Variants in CLTRN observed in about 807,000 individuals in gnomAD.
CLTRN encodes the protein collectrin.
A neutral mutation model predicts 14.5 loss-of-function variants in CLTRN; 12 were observed. That is an observed-to-expected ratio of 0.83 (90% confidence interval 0.53 to 1.34). The LOEUF (loss-of-function observed/expected upper bound fraction) is 1.34, where lower values mean the gene tolerates loss of function less well. Ranked by LOEUF, CLTRN falls within the 40% of genes most tolerant of loss-of-function variation. The pLI, the probability that CLTRN is intolerant of heterozygous loss-of-function variation, is 0.00. For synonymous variants in CLTRN, 58 were observed against 56.5 expected, an observed-to-expected ratio of 1.03 and a Z score of -0.12; for missense variants, 154 against 165.1, an observed-to-expected ratio of 0.93 and a Z score of 0.37.
At chrX:15,655,611 A>T (rs1393048830) in intron 3 of CLTRN, among the ~76,000 whole-genome samples, 1 of 111,363 alleles carries the variant, frequency 9.0e-6, no homozygotes, top group African/African-American at 3.3e-5. Flanking sequence ...CTGCTCAAAA[A>T]ACTGCTCTCT....
intron 3 of CLTRN, among the ~76,000 whole-genome samples, chrX:15,652,638 G>C (rs745812655): frequency 9.0e-6 from 1 of 111,554 alleles, no homozygotes; most frequent in Non-Finnish European, 1.9e-5. Flanking sequence ...TTTCTTCAAG[G>C]TTTGTTTTTT....
chrX:15,644,195 T>C (rs1929005258), intron 4 of CLTRN, among the ~76,000 whole-genome samples: 1 of 112,137 alleles, frequency 8.9e-6, no homozygotes. Flanking sequence ...TTTTCCTGAT[T>C]GTCCTGCTGA....
chrX:15,655,271 T>A (rs1288487623), intron 3 of CLTRN, among the ~76,000 whole-genome samples: 4 of 112,331 alleles, frequency 3.6e-5, no homozygotes, highest in Middle Eastern at 4.6e-3. Context: ...CAAATTATTC[T>A]TCCTGGACCT....
intron 1 of CLTRN, among the ~76,000 whole-genome samples, chrX:15,671,844 G>GCGCACACA (rs1238166963): frequency 1.1e-5 from 1 of 90,030 alleles, no homozygotes; most frequent in African/African-American, 4.0e-5. Context: ...TTTTATGCGC[G>GCGCACACA]CACACACACA....
At chrX:15,640,555 G>T (rs1024677235) in intron 4 of CLTRN, among the ~76,000 whole-genome samples, 1 of 112,777 alleles carries the variant, frequency 8.9e-6, no homozygotes, top group African/African-American at 3.2e-5. Context: ...TGTGTGAGTA[G>T]CATCTAGATT....
intron 3 of CLTRN, among the ~76,000 whole-genome samples, chrX:15,651,750 G>C (rs1241862732): frequency 9.0e-6 from 1 of 111,481 alleles, no homozygotes; most frequent in African/African-American, 3.3e-5. Context: ...GATTCAGCAA[G>C]TGATTGGGGG....
At chrX:15,660,711 G>A (rs1355478812) in intron 2 of CLTRN, among the ~76,000 whole-genome samples, 1 of 109,255 alleles carries the variant, frequency 9.2e-6, no homozygotes, top group African/African-American at 3.3e-5. Flanking sequence ...GGAGGCTAAG[G>A]CAGGAAGATT....
At chrX:15,655,372 A>G (rs1929326778) in intron 3 of CLTRN, among the ~76,000 whole-genome samples, 1 of 112,117 alleles carries the variant, frequency 8.9e-6, no homozygotes, top group Non-Finnish European at 1.9e-5. Flanking sequence ...GGGGCCTTCA[A>G]GGGCCCCTCC....
At chrX:15,665,734 C>T (rs1354644248), upstream of CLTRN, among the ~76,000 whole-genome samples, 4 of 112,287 alleles carry the variant, frequency 3.6e-5, no homozygotes, top group African/African-American at 1.3e-4. Flanking sequence ...GTCAGTACAG[C>T]AATACAACAG....
chrX:15,667,626 T>C (rs192771825), upstream of CLTRN, among the ~76,000 whole-genome samples: 75 of 112,825 alleles, frequency 6.6e-4, 2 homozygotes, highest in Middle Eastern at 0.028. Context: ...TTTGTGTAAA[T>C]ACATGTACAT....
chrX:15,634,966 T>G (rs888702449), intron 5 of CLTRN, among the ~76,000 whole-genome samples: 2 of 108,770 alleles, frequency 1.8e-5, no homozygotes, highest in African/African-American at 3.3e-5. Context: ...AATAAATAAA[T>G]AAAAGAAAAA....
chrX:15,646,836 C>T (rs1929089921), intron 3 of CLTRN: 3 of 317,675 alleles, frequency 9.4e-6, no homozygotes, highest in Non-Finnish European at 1.8e-5. Flanking sequence ...CCATGAAAAT[C>T]GCCCCGCCCG....
At chrX:15,656,851 T>G (rs1241317152) in intron 3 of CLTRN, among the ~76,000 whole-genome samples, 2 of 110,914 alleles carry the variant, frequency 1.8e-5, no homozygotes, top group Non-Finnish European at 3.8e-5. Context: ...CAGAAAAATG[T>G]GTACTGACCC....
At chrX:15,655,385 G>A (rs1929327216) in intron 3 of CLTRN, among the ~76,000 whole-genome samples, 1 of 111,867 alleles carries the variant, frequency 8.9e-6, no homozygotes, top group South Asian at 3.7e-4. Flanking sequence ...GCCCCTCCAG[G>A]GACCTCTGCA....
intron 3 of CLTRN, among the ~76,000 whole-genome samples, chrX:15,655,130 G>C (rs758447565): frequency 8.9e-6 from 1 of 111,759 alleles, no homozygotes; most frequent in Non-Finnish European, 1.9e-5. Flanking sequence ...TGAGTGGTGG[G>C]CTCCAGCCAT....
chrX:15,656,065 C>T (rs191912235), intron 3 of CLTRN, among the ~76,000 whole-genome samples: 70 of 111,942 alleles, frequency 6.3e-4, no homozygotes, highest in African/African-American at 2.3e-3. Context: ...GGAAATGCCA[C>T]AGCCCTCTCT....
intron 3 of CLTRN, among the ~76,000 whole-genome samples, chrX:15,657,470 AT>A (rs1914206649): frequency 8.9e-6 from 1 of 112,696 alleles, no homozygotes; most frequent in Non-Finnish European, 1.9e-5. Flanking sequence ...GAAACACTTA[AT>A]TTAACTTAGT....
rs751716053 is a variant in CLTRN, at chrX:15,639,756, T to C, written c.318A>G (p.Arg106=). ...CATTGTTGATCCGGTTCTTGTTCAT[T>C]CTAAAATGCAATGATAATTAAAAAT... is the stretch of plus-strand genomic sequence containing the variant. The part of the protein sequence containing the change: ...LPAVEVQSAI[R]MNKNRINNAF... The change falls in exon 5 of 6, where the codon AGA becomes AGG. Residue 106 remains arginine (R), a splice_region_variant and synonymous_variant. Coordinates refer to ENST00000380342, the MANE Select transcript of CLTRN (RefSeq NM_020665.6). 7 of 1,187,951 alleles carry C rather than the reference T, an allele frequency of 5.9e-6. No homozygotes were observed. In the African/African-American group the frequency reaches 1.2e-4, roughly 21 times the overall value.
intron 5 of CLTRN, among the ~76,000 whole-genome samples, chrX:15,630,351 T>G (rs1928661537): frequency 1.0e-5 from 1 of 97,080 alleles, no homozygotes; most frequent in African/African-American, 3.9e-5. Flanking sequence ...TGAACGGGCT[T>G]TACCACAAGA....
Sources: gnomAD v4.1 joint callset for allele counts (sites outside exome capture counted in the v4.1 genomes callset) on GRCh38, gnomAD v4.1.1 for gene constraint, MANE v1.5 for transcripts, NCBI Gene and HGNC (gene_info 2026-07-23, HGNC 2026-07-21) for gene names.